FSIP1: variants seen among roughly 807,000 people sequenced by gnomAD.
FSIP1 encodes fibrous sheath interacting protein 1, also known as fibrous sheath-interacting protein 1.
A neutral mutation model predicts 60.9 loss-of-function variants in FSIP1; 65 were observed. The observed-to-expected ratio is 1.07, with a 90% confidence interval of 0.87 to 1.31. The LOEUF (loss-of-function observed/expected upper bound fraction) is 1.31. Among genes scored for constraint, FSIP1 ranks in the 40% most tolerant of loss-of-function variants. FSIP1 has a pLI of 0.00. For synonymous variants in FSIP1, 209 were observed against 221.2 expected, an observed-to-expected ratio of 0.94 and a Z score of 0.49; for missense variants, 675 against 665.5, an observed-to-expected ratio of 1.01 and a Z score of -0.16.
chr15:39,654,156 T>A (rs1892982435), intron 10 of FSIP1, among the ~76,000 whole-genome samples: 1 of 152,228 alleles, frequency 6.6e-6, no homozygotes. Context: ...TGCAGTTAAT[T>A]TATTTTTTTA....
intron 10 of FSIP1, among the ~76,000 whole-genome samples, chr15:39,677,386 T>A (rs1035824114): frequency 6.6e-6 from 1 of 152,006 alleles, no homozygotes; most frequent in Non-Finnish European, 1.5e-5. Context: ...TCCTCCCAAC[T>A]GGGCTGTGAG....
chr15:39,686,238 C>A (rs1158904395), intron 10 of FSIP1, among the ~76,000 whole-genome samples: 1 of 152,236 alleles, frequency 6.6e-6, no homozygotes, highest in Non-Finnish European at 1.5e-5. Context: ...CACCTTCACA[C>A]TGCTTCATCT....
At chr15:39,745,226 C>A (rs1229971750) in intron 5 of FSIP1, among the ~76,000 whole-genome samples, 2 of 151,266 alleles carry the variant, frequency 1.3e-5, no homozygotes, top group Non-Finnish European at 2.9e-5. Flanking sequence ...TGAATTATGC[C>A]ATACAATTTT....
intron 10 of FSIP1, among the ~76,000 whole-genome samples, chr15:39,705,342 T>C (rs899268992): frequency 3.3e-5 from 5 of 152,152 alleles, no homozygotes; most frequent in Non-Finnish European, 7.4e-5. Flanking sequence ...ACAAAAAATC[T>C]TTATTGTCAC....
chr15:39,729,080 A>G (rs1255454671), intron 8 of FSIP1, among the ~76,000 whole-genome samples: 3 of 152,222 alleles, frequency 2.0e-5, no homozygotes, highest in African/African-American at 7.2e-5. Context: ...ATTACTAAAA[A>G]GTCAAAAAAT....
chr15:39,657,418 C>G (rs961763010), intron 10 of FSIP1, among the ~76,000 whole-genome samples: 4 of 152,136 alleles, frequency 2.6e-5, no homozygotes, highest in Non-Finnish European at 5.9e-5. Context: ...GATATTATGA[C>G]CCAAAAACAC....
chr15:39,598,441 T>C (rs1005382938), downstream of FSIP1: 2 of 152,212 alleles, frequency 1.3e-5, no homozygotes, highest in Non-Finnish European at 1.5e-5. Flanking sequence ...GTGAAGGAAA[T>C]AATTCTTTGA....
At chr15:39,676,982 G>T (rs1295128242) in intron 10 of FSIP1, among the ~76,000 whole-genome samples, 3 of 152,194 alleles carry the variant, frequency 2.0e-5, no homozygotes, top group Non-Finnish European at 2.9e-5. Context: ...ATTAACTGTT[G>T]CAAGTGTCAG....
Position 39,753,395 on chromosome 15 carries a change from CT to C in FSIP1, c.559+10425del, listed in dbSNP as rs201589350. Among the ~76,000 whole-genome samples, 1,446 of 151,862 alleles carry C rather than the reference CT, an allele frequency of 9.5e-3. 26 individuals are homozygous for C. Among genetic ancestry groups the C allele is most frequent in the African/African-American group, 0.032 (1,347 of 41,470 alleles). On this transcript the variant is annotated intron_variant, in intron 5 of 11. Transcript: ENST00000350221. ...GACTCTCCACCCTCAACTTCACCCCCTATACCATAACAAACATTTCACACAC... is the reference window on the plus strand; with the variant it reads ...GACTCTCCACCCTCAACTTCACCCCCATACCATAACAAACATTTCACACAC...
intron 10 of FSIP1, among the ~76,000 whole-genome samples, chr15:39,664,256 A>ATT (rs1386417938): frequency 6.6e-6 from 1 of 152,212 alleles, no homozygotes; most frequent in African/African-American, 2.4e-5. Context: ...AGTGAGTCAT[A>ATT]TTTTTAATGT....
At chr15:39,641,070 A>C (rs1158822715) in intron 10 of FSIP1, among the ~76,000 whole-genome samples, 1 of 152,246 alleles carries the variant, frequency 6.6e-6, no homozygotes, top group South Asian at 2.1e-4. Context: ...CAAAAGGCTC[A>C]TGGACAGAAA....
At chr15:39,692,748 AAAAAAAAG>A (rs776760176) in intron 10 of FSIP1, among the ~76,000 whole-genome samples, 75 of 152,190 alleles carry the variant, frequency 4.9e-4, no homozygotes, top group Admixed American at 1.0e-3. Context: ...CTAGGTTTAA[AAAAAAAAG>A]AAAGAAAGAA....
chr15:39,648,224 A>G (rs1255958943), intron 10 of FSIP1, among the ~76,000 whole-genome samples: 2 of 151,886 alleles, frequency 1.3e-5, no homozygotes, highest in Non-Finnish European at 2.9e-5. Flanking sequence ...AAAAAAAAAA[A>G]AAGAAAAATT....
chr15:39,746,419 C>A (rs1451661242), intron 5 of FSIP1, among the ~76,000 whole-genome samples: 2 of 152,216 alleles, frequency 1.3e-5, no homozygotes, highest in Non-Finnish European at 2.9e-5. Context: ...CTTCTTTCTA[C>A]ATCTCTTCAG....
At chr15:39,683,737 T>A (rs1452517884) in intron 10 of FSIP1, among the ~76,000 whole-genome samples, 1 of 152,204 alleles carries the variant, frequency 6.6e-6, no homozygotes, top group African/African-American at 2.4e-5. Context: ...GTTCACAGGA[T>A]AAAGTTCAAC....
rs1178704852 is a variant in FSIP1 at position 39,741,840 on chromosome 15, T to C, written c.620A>G (p.Glu207Gly). The C allele has an allele frequency of 6.2e-7, 1 of 1,604,176 alleles. No individual in the cohort carries two copies. The highest frequency in any genetic ancestry group is 1.3e-5 in the African/African-American group (1 of 74,748). Residue 207 changes from glutamate (E) to glycine (G), a missense_variant, in exon 6 of 12, where the codon GAA becomes GGA. Coordinates refer to ENST00000350221, the MANE Select transcript of FSIP1 (RefSeq NM_152597.5). ...TTTCTGCATCTGCATTTCATATTCTTCTGGAGGGATTTGAGTATGAAACAC... is the reference window on the plus strand; with the variant it reads ...TTTCTGCATCTGCATTTCATATTCTCCTGGAGGGATTTGAGTATGAAACAC... Reference protein sequence around the residue: ...SSVFHTQIPPEEYEMQMQKLN... With the variant: ...SSVFHTQIPPGEYEMQMQKLN...
intron 10 of FSIP1, among the ~76,000 whole-genome samples, chr15:39,678,637 T>C (rs1055928216): frequency 4.6e-5 from 7 of 152,224 alleles, no homozygotes; most frequent in Non-Finnish European, 8.8e-5. Context: ...TTTTACTTTC[T>C]AAAAATAAAA....
chr15:39,747,363 T>C (rs188668601), intron 5 of FSIP1: 2 of 152,328 alleles, frequency 1.3e-5, no homozygotes, highest in Admixed American at 6.5e-5. Context: ...GGCCTACCTA[T>C]GGTTATTCTT....
At chr15:39,679,673 C>T (rs1299708511) in intron 10 of FSIP1, among the ~76,000 whole-genome samples, 1 of 152,174 alleles carries the variant, frequency 6.6e-6, no homozygotes, top group Non-Finnish European at 1.5e-5. Context: ...GAATTTACTA[C>T]TATATGCAAG....
Sources: allele counts gnomAD v4.1 joint callset (sites outside exome capture counted in the v4.1 genomes callset), GRCh38; gene constraint gnomAD v4.1.1; transcripts MANE v1.5; gene names NCBI Gene and HGNC (gene_info 2026-07-23, HGNC 2026-07-21).